The following KLHL32 variants were observed in gnomAD, a reference collection of about 807,000 sequenced individuals.
The protein encoded by KLHL32 is kelch-like protein 32.
KLHL32 carries 35 observed loss-of-function variants against 64.8 expected under a neutral mutation model. The ratio of observed to expected loss-of-function variants is 0.54; its 90% CI spans 0.41 to 0.72. The LOEUF is 0.72. Among genes scored for constraint, KLHL32 ranks in the 30% least tolerant of loss-of-function variants. The pLI is 0.00. For missense variants in KLHL32, 589 were observed against 768.5 expected, an observed-to-expected ratio of 0.77 and a Z score of 2.76; for synonymous variants, 259 against 281.0, an observed-to-expected ratio of 0.92 and a Z score of 0.78.
At chr6:97,094,771 G>A (rs1253162492) in intron 6 of KLHL32, among the ~76,000 whole-genome samples, 1 of 152,158 alleles carries the variant, frequency 6.6e-6, no homozygotes, top group East Asian at 1.9e-4. Flanking sequence ...GTATTGGTAA[G>A]TGGCACGGTA....
chr6:97,113,566 C>T (rs1429213742), intron 6 of KLHL32, among the ~76,000 whole-genome samples: 2 of 152,166 alleles, frequency 1.3e-5, no homozygotes, highest in African/African-American at 2.4e-5. Flanking sequence ...CACATTGTTT[C>T]TTACCCCTAC....
intron 1 of KLHL32, among the ~76,000 whole-genome samples, chr6:96,953,093 A>G (rs1246212698): frequency 6.6e-6 from 1 of 152,188 alleles, no homozygotes; most frequent in East Asian, 1.9e-4. Flanking sequence ...CTCTACATTA[A>G]TTAAACTCTT....
At chr6:96,899,334 T>A in the KLHL32 span, among the ~76,000 whole-genome samples, 1 of 152,216 alleles carries the variant, frequency 6.6e-6, no homozygotes, top group African/African-American at 2.4e-5. Context: ...TTTCTATTTC[T>A]ATGGGTGCTA....
At chr6:97,020,123 A>G (rs143576726) in intron 3 of KLHL32, among the ~76,000 whole-genome samples, 4,531 of 151,442 alleles carry the variant, frequency 0.03, 212 homozygotes, top group African/African-American at 0.1. Context: ...TTGTATTTTT[A>G]GTAGAGACAG....
intron 10 of KLHL32, among the ~76,000 whole-genome samples, chr6:97,135,556 C>T (rs1295633224): frequency 6.6e-6 from 1 of 152,066 alleles, no homozygotes; most frequent in Non-Finnish European, 1.5e-5. Context: ...CCTCGGCCTC[C>T]CAAAGTGCTG....
At chr6:97,024,711 G>A (rs1258508348) in intron 3 of KLHL32, among the ~76,000 whole-genome samples, 1 of 152,190 alleles carries the variant, frequency 6.6e-6, no homozygotes, top group East Asian at 1.9e-4. Context: ...TAATGGTGAA[G>A]TCTGGTCTAC....
intron 6 of KLHL32, among the ~76,000 whole-genome samples, chr6:97,105,887 T>C (rs1562342713): frequency 6.6e-6 from 1 of 152,250 alleles, no homozygotes. Context: ...CTTGTATTTA[T>C]ATATATTTGC....
chr6:97,118,412 A>G (rs1018372443), intron 7 of KLHL32, among the ~76,000 whole-genome samples: 8 of 152,102 alleles, frequency 5.3e-5, no homozygotes, highest in African/African-American at 1.9e-4. Flanking sequence ...TGAGATTAGG[A>G]GTTCGAGACC....
At chr6:97,050,745 G>T (rs1786757751) in intron 4 of KLHL32, among the ~76,000 whole-genome samples, 1 of 152,190 alleles carries the variant, frequency 6.6e-6, no homozygotes, top group Non-Finnish European at 1.5e-5. Flanking sequence ...GCTCATGCCT[G>T]TAATCCCAGC....
intron 3 of KLHL32, among the ~76,000 whole-genome samples, chr6:96,979,808 C>T (rs1225919383): frequency 6.6e-6 from 1 of 152,068 alleles, no homozygotes; most frequent in African/African-American, 2.4e-5. Flanking sequence ...AATATTTTTC[C>T]ACTTGTTGGT....
At position 97,060,527 on chromosome 6, in the gene KLHL32, T is replaced by C. The variant is rs113512376; in HGVS notation, c.313-4101T>C. Among the ~76,000 whole-genome samples, 1,382 of 152,250 alleles carry C rather than the reference T, an allele frequency of 9.1e-3. 22 individuals are homozygous for C. The highest frequency in any genetic ancestry group is 0.03 in the African/African-American group (1,264 of 41,544). On this transcript the variant is annotated intron_variant, in intron 4 of 10. Transcript: ENST00000369261. ...AGGTGGCCCACGTCATCATGCTCTA[T>C]ACAGAATCTCACCTCAGGTCCCATT...
intron 5 of KLHL32, among the ~76,000 whole-genome samples, chr6:97,080,643 G>T (rs1266814248): frequency 6.6e-6 from 1 of 152,194 alleles, no homozygotes; most frequent in Non-Finnish European, 1.5e-5. Flanking sequence ...AGATGATATG[G>T]TTTCTTCATT....
chr6:97,099,965 T>C (rs1795487746), intron 6 of KLHL32, among the ~76,000 whole-genome samples: 1 of 151,880 alleles, frequency 6.6e-6, no homozygotes, highest in African/African-American at 2.4e-5. Context: ...GCCAACATGG[T>C]GAGATCCCAT....
chr6:97,137,819 A>G (rs1800207053), intron 10 of KLHL32, among the ~76,000 whole-genome samples: 1 of 152,190 alleles, frequency 6.6e-6, no homozygotes, highest in African/African-American at 2.4e-5. Context: ...GGCATCAGCC[A>G]CCGCGCCCAG....
intron 3 of KLHL32, among the ~76,000 whole-genome samples, chr6:96,992,815 A>G (rs1000585532): frequency 2.0e-5 from 3 of 152,214 alleles, no homozygotes; most frequent in Admixed American, 6.5e-5. Flanking sequence ...CTAAATTACG[A>G]TATGTTTAAA....
intron 3 of KLHL32, chr6:96,999,448 CA>C (rs1386615744): frequency 3.5e-5 from 22 of 624,212 alleles, no homozygotes; most frequent in Non-Finnish European, 3.8e-5. Flanking sequence ...ATTTTGATAT[CA>C]AAAACATCAA....
the KLHL32 span, among the ~76,000 whole-genome samples, chr6:96,915,602 CAATT>C: frequency 6.6e-6 from 1 of 151,540 alleles, no homozygotes. Flanking sequence ...TTAATTTCTG[CAATT>C]AATTTCTTGG....
At chr6:96,955,867 G>A (rs1373235967) in intron 1 of KLHL32, among the ~76,000 whole-genome samples, 1 of 152,178 alleles carries the variant, frequency 6.6e-6, no homozygotes, top group Admixed American at 6.5e-5. Flanking sequence ...AACCTGGGAG[G>A]CAGAGGTTGC....
Position 97,070,378 on chromosome 6 carries a change from T to C in KLHL32, c.411+5652T>C, listed in dbSNP as rs560038084. On this transcript the variant is annotated intron_variant, in intron 5 of 10. Transcript: ENST00000369261. ...CTGGCATGGGTAATCCAGAATATCATATTTGCCAAATAACATTCATATTTG... is the reference window on the plus strand; with the variant it reads ...CTGGCATGGGTAATCCAGAATATCACATTTGCCAAATAACATTCATATTTG... Among the ~76,000 whole-genome samples the C allele has an allele frequency of 1.6e-3, 243 of 152,336 alleles. 1 individual carries two copies. Among genetic ancestry groups the C allele is most frequent in the African/African-American group, 5.7e-3 (236 of 41,568 alleles).
Sources: gnomAD v4.1 joint callset for allele counts (sites outside exome capture counted in the v4.1 genomes callset) on GRCh38, gnomAD v4.1.1 for gene constraint, MANE v1.5 for transcripts, NCBI Gene and HGNC (gene_info 2026-07-23, HGNC 2026-07-21) for gene names.